The following MCMBP variants were observed in gnomAD, a reference collection of about 807,000 sequenced individuals.
MCMBP encodes mini-chromosome maintenance complex-binding protein.
Under a neutral mutation model 81.3 loss-of-function variants are expected in MCMBP, and 31 were observed. The ratio of observed to expected loss-of-function variants is 0.38; its 90% CI spans 0.29 to 0.51. The LOEUF (loss-of-function observed/expected upper bound fraction) is 0.51. MCMBP is among the 20% of genes least tolerant of loss of function. The pLI is 0.87. For synonymous variants in MCMBP, 267 were observed against 275.9 expected, an observed-to-expected ratio of 0.97 and a Z score of 0.32; for missense variants, 645 against 772.1, an observed-to-expected ratio of 0.84 and a Z score of 1.95.
At chr10:119,859,747 G>T (rs1853184562) in intron 2 of MCMBP, 52 bp downstream of exon 2, 1 of 1,241,334 alleles carries the variant, frequency 8.1e-7, no homozygotes, top group South Asian at 1.4e-5. Flanking sequence ...TCTACTAAGA[G>T]AAACTGTATA....
intron 1 of MCMBP, 60 bp from the exon 2 acceptor site, chr10:119,859,944 G>A: frequency 8.0e-7 from 1 of 1,243,328 alleles, no homozygotes; most frequent in East Asian, 2.3e-5. Flanking sequence ...AAAAGACTAT[G>A]ATCAGGTGAG....
At chr10:119,831,742 G>A in intron 15 of MCMBP, 142 bp from the exon 16 acceptor site, 4 of 995,182 alleles carry the variant, frequency 4.0e-6, no homozygotes, top group Non-Finnish European at 5.7e-6. Flanking sequence ...CAAGTCAACA[G>A]CCAAGTTAGG....
intron 1 of MCMBP, among the ~76,000 whole-genome samples, chr10:119,871,568 GC>G (rs1261794256): frequency 6.6e-6 from 1 of 152,142 alleles, no homozygotes; most frequent in Non-Finnish European, 1.5e-5. Context: ...TACATTGTTT[GC>G]CGTCGATTTT....
At chr10:119,846,743 G>A (rs1480838164) in intron 8 of MCMBP, among the ~76,000 whole-genome samples, 1 of 152,134 alleles carries the variant, frequency 6.6e-6, no homozygotes. Flanking sequence ...ACTGGTAACT[G>A]GCTTACACTC....
rs901881346 is a variant in MCMBP, at chr10:119,872,605, G to A, written c.-21C>T. The A allele has an allele frequency of 2.5e-5, 29 of 1,164,212 alleles. No individual in the cohort carries two copies. Among genetic ancestry groups the A allele is most frequent in the Admixed American group, 4.7e-5 (1 of 21,092 alleles). 72.1% of individuals were successfully genotyped at this position (1,164,212 alleles called of 1,614,324 possible). A position where few individuals can be genotyped will look rare whatever the true frequency, so the allele number is the denominator to read the frequency against. ...GGCATCTCGCCAGGGGCCGGGGCCG[G>A]CGAAGACCGGGCGGAGGCGATCCGC... On this transcript the variant is annotated 5_prime_UTR_variant, in exon 1 of 16. Transcript: ENST00000369077.
chr10:119,854,103 C>G (rs575031324), intron 5 of MCMBP, among the ~76,000 whole-genome samples: 6 of 149,786 alleles, frequency 4.0e-5, no homozygotes, highest in African/African-American at 1.2e-4. Flanking sequence ...TGCAGTGGTA[C>G]AATTTCAGCT....
chr10:119,853,341 T>G, intron 5 of MCMBP, 147 bp from the exon 6 acceptor site: 3 of 769,074 alleles, frequency 3.9e-6, no homozygotes, highest in Non-Finnish European at 2.1e-6. Flanking sequence ...CTTCCAGTTC[T>G]GGTCATGAGA....
At chr10:119,838,390 T>C (rs1005071006) in intron 12 of MCMBP, 145 bp downstream of exon 12, 2 of 697,778 alleles carry the variant, frequency 2.9e-6, no homozygotes, top group African/African-American at 1.8e-5. Context: ...TTATAACATA[T>C]GCTTTAATCA....
In MCMBP at chr10:119,829,682, T is replaced by A. The variant is rs571544702; in HGVS notation, c.*1792A>T. 1 of 152,424 alleles carries A rather than the reference T, an allele frequency of 6.6e-6. No individual in the cohort carries two copies. Among genetic ancestry groups the A allele is most frequent in the South Asian group, 2.1e-4 (1 of 4,828 alleles). 9.4% of individuals were successfully genotyped at this position (152,424 alleles called of 1,614,324 possible). A position where few individuals can be genotyped will look rare whatever the true frequency, so the allele number is the denominator to read the frequency against. On this transcript the variant is annotated 3_prime_UTR_variant, in exon 16 of 16. Transcript: ENST00000369077. ...GGAAGGTCCCTCTTGCACCACCTCC[T>A]CCACTTCAGTTCAGCTCTCTCATGT...
intron 12 of MCMBP, among the ~76,000 whole-genome samples, chr10:119,837,698 GGT>G (rs1852293889): frequency 6.6e-6 from 1 of 152,014 alleles, no homozygotes; most frequent in Non-Finnish European, 1.5e-5. Context: ...GCAGGAGAAT[GGT>G]GTGAACCCGG....
At chr10:119,860,003 G>T (rs1350922982) in intron 1 of MCMBP, 119 bp from the exon 2 acceptor site, 5 of 686,240 alleles carry the variant, frequency 7.3e-6, no homozygotes, top group Middle Eastern at 4.0e-4. Context: ...TAGCTACTAT[G>T]ATAGAATGAA....
rs1852027130 is a variant in MCMBP at position 119,831,337 on chromosome 10, T to C, written c.*137A>G. 21 of 955,742 alleles carry C rather than the reference T, an allele frequency of 2.2e-5. No individual in the cohort carries two copies. The highest frequency in any genetic ancestry group is 3.2e-5 in the Non-Finnish European group (21 of 650,618). The allele number at this position is 955,742 out of a possible 1,614,324, so 59.2% of individuals were successfully genotyped here. Reference sequence around the variant, plus strand: ...CTGAATATCATATAAACATCAGGTGTTACCAGGCTTGATTTCAGGAAATGT... The same window carrying C: ...CTGAATATCATATAAACATCAGGTGCTACCAGGCTTGATTTCAGGAAATGT... On this transcript the variant is annotated 3_prime_UTR_variant, in exon 16 of 16. Transcript: ENST00000369077.
At chr10:119,869,668 T>C (rs1189463882) in intron 1 of MCMBP, among the ~76,000 whole-genome samples, 1 of 150,350 alleles carries the variant, frequency 6.7e-6, no homozygotes, top group African/African-American at 2.5e-5. Flanking sequence ...GAGGAGGAGG[T>C]TGCAGTGAGC....
intron 4 of MCMBP, 195 bp from the exon 5 acceptor site, chr10:119,857,634 C>A: frequency 2.4e-6 from 1 of 422,678 alleles, no homozygotes; most frequent in Non-Finnish European, 4.3e-6. Flanking sequence ...TGTCATCAAA[C>A]ACTTCCTCCC....
Position 119,837,042 on chromosome 10 carries a change from G to A in MCMBP, c.1409-13C>T, listed in dbSNP as rs1338172992. The stretch of plus-strand genomic sequence containing the variant: ...ACATTATGAACACCTACAAAGGCAG[G>A]AAAACACTTTCAGTCATTTGACTTT... On this transcript the variant is annotated splice_polypyrimidine_tract_variant and intron_variant, in intron 12 of 15. Coordinates refer to ENST00000369077, the MANE Select transcript of MCMBP (RefSeq NM_001256378.2). The A allele has an allele frequency of 1.9e-6, 3 of 1,609,752 alleles. No homozygotes were observed. Among genetic ancestry groups the A allele is most frequent in the East Asian group, 2.2e-5 (1 of 44,790 alleles).
chr10:119,872,497 C>A, intron 1 of MCMBP, 30 bp downstream of exon 1: 1 of 1,174,610 alleles, frequency 8.5e-7, no homozygotes. Context: ...CGGCTGCCCG[C>A]CCGGCCCGCC....
chr10:119,859,555 T>G (rs1441029870), intron 2 of MCMBP, among the ~76,000 whole-genome samples: 1 of 152,104 alleles, frequency 6.6e-6, no homozygotes, highest in Non-Finnish European at 1.5e-5. Context: ...CTGACACTCT[T>G]GCAACTAAAG....
intron 1 of MCMBP, among the ~76,000 whole-genome samples, chr10:119,864,503 T>G (rs185897911): frequency 4.1e-4 from 62 of 149,504 alleles, no homozygotes; most frequent in African/African-American, 1.4e-3. Context: ...GTCTTCCTTT[T>G]TTTCTTTTCT....
intron 15 of MCMBP, among the ~76,000 whole-genome samples, 180 bp from the exon 16 acceptor site, chr10:119,831,780 A>G (rs1444935511): frequency 3.3e-5 from 5 of 152,260 alleles, no homozygotes; most frequent in Non-Finnish European, 7.3e-5. Flanking sequence ...TTGAAGAGTC[A>G]GAATTGGAAA....
Sources: gnomAD v4.1 joint callset for allele counts (sites outside exome capture counted in the v4.1 genomes callset) on GRCh38, gnomAD v4.1.1 for gene constraint, MANE v1.5 for transcripts, NCBI Gene and HGNC (gene_info 2026-07-23, HGNC 2026-07-21) for gene names.